Variants in CDS1 observed in about 807,000 individuals in gnomAD.
CDS1 encodes the protein CDP-diacylglycerol synthase 1, also known as phosphatidate cytidylyltransferase 1.
In CDS1, 41 loss-of-function variants were observed where a neutral mutation model predicts 62.1. The ratio of observed to expected loss-of-function variants is 0.66; its 90% CI spans 0.51 to 0.86. CDS1 has a LOEUF of 0.86. Among genes scored for constraint, CDS1 ranks in the 40% least tolerant of loss-of-function variants. CDS1 has a pLI of 0.00. For missense variants in CDS1, 470 were observed against 550.1 expected (o/e 0.85, Z 1.46); for synonymous variants, 185 against 192.6 (o/e 0.96, Z 0.32).
chr4:84,599,371 C>A (rs1722848121), intron 1 of CDS1, among the ~76,000 whole-genome samples: 1 of 132,052 alleles, frequency 7.6e-6, no homozygotes. Flanking sequence ...CATTCCATAG[C>A]AAATATAATT....
intron 5 of CDS1, among the ~76,000 whole-genome samples, chr4:84,623,647 A>C (rs533686513): frequency 1.3e-5 from 2 of 152,316 alleles, no homozygotes; most frequent in South Asian, 4.1e-4. Flanking sequence ...ATGGAATACA[A>C]ACTATCATTT....
intron 5 of CDS1, among the ~76,000 whole-genome samples, chr4:84,620,371 C>T (rs539450082): frequency 1.6e-4 from 24 of 151,148 alleles, no homozygotes; most frequent in Non-Finnish European, 2.8e-4. Flanking sequence ...TACAGGCCCC[C>T]GCCACCACAC....
chr4:84,604,337 TTC>T lies in CDS1; in HGVS notation c.215_216del (p.Leu72GlnfsTer53). 1 of 1,613,210 alleles carries T rather than the reference TTC, an allele frequency of 6.2e-7. No individual in the cohort carries two copies. Among genetic ancestry groups the T allele is most frequent in the Non-Finnish European group, 8.5e-7 (1 of 1,179,376 alleles). On this transcript the variant is annotated frameshift_variant, in exon 2 of 13. Coordinates refer to ENST00000295887, the MANE Select transcript of CDS1 (RefSeq NM_001263.4). LOFTEE classifies it high-confidence loss of function. ...CCATCCTCAGATAGAACCCCTGAGA[TTC>T]TCAAAAAAGCTCTATCTGGTTTATC...
rs1252669162 is a variant in CDS1, at chr4:84,588,519, C to T, written c.117+5001C>T. On this transcript the variant is annotated intron_variant, in intron 1 of 12. Coordinates refer to ENST00000295887, the MANE Select transcript of CDS1 (RefSeq NM_001263.4). ...ACAGGCGGCCAGGGTTTTATTATTA[C>T]TCACATTAACCTCCCTAAAAATTTG... Among the ~76,000 whole-genome samples the T allele has an allele frequency of 2.0e-5, 3 of 152,222 alleles. No homozygotes were observed. The East Asian group carries it at 5.8e-4, about 29-fold the overall frequency.
At chr4:84,638,451 A>G (rs939385506) in intron 8 of CDS1, among the ~76,000 whole-genome samples, 5 of 152,232 alleles carry the variant, frequency 3.3e-5, no homozygotes, top group East Asian at 1.9e-4. Flanking sequence ...TGTGAAAATT[A>G]TATGTGCTAA....
intron 1 of CDS1, among the ~76,000 whole-genome samples, chr4:84,589,821 T>C (rs1722531229): frequency 6.6e-6 from 1 of 152,052 alleles, no homozygotes; most frequent in East Asian, 1.9e-4. Context: ...TTTGTTTTGT[T>C]TTGTTTTGAG....
intron 1 of CDS1, among the ~76,000 whole-genome samples, chr4:84,589,831 G>T (rs1436061083): frequency 6.6e-6 from 1 of 152,096 alleles, no homozygotes; most frequent in Admixed American, 6.5e-5. Flanking sequence ...TTTGTTTTGA[G>T]ACGGAGTCTC....
Position 84,648,802 on chromosome 4 carries a change from A to C in CDS1, c.*116A>C. On this transcript the variant is annotated 3_prime_UTR_variant, in exon 13 of 13. Coordinates refer to ENST00000295887, the MANE Select transcript of CDS1 (RefSeq NM_001263.4). ...AATGCAATAGGTTGAAGTTTTGGAG[A>C]TATGTTTCTCTCTGAAATTACTGTG... 12 of 978,860 alleles carry C rather than the reference A, an allele frequency of 1.2e-5. No homozygotes were observed. The highest frequency in any genetic ancestry group is 1.8e-5 in the Non-Finnish European group (12 of 681,042). 60.6% of individuals were successfully genotyped at this position (978,860 alleles called of 1,614,324 possible). A position where few individuals can be genotyped will look rare whatever the true frequency, so the allele number is the denominator to read the frequency against.
chr4:84,639,017 T>C (rs766945514), intron 9 of CDS1, 25 bp downstream of exon 9: 4 of 1,225,222 alleles, frequency 3.3e-6, no homozygotes, highest in Middle Eastern at 2.1e-4. Context: ...GATTTTTATT[T>C]TGTATACATT....
chr4:84,601,684 G>A (rs1722941212), intron 1 of CDS1, among the ~76,000 whole-genome samples: 3 of 152,088 alleles, frequency 2.0e-5, no homozygotes, highest in Admixed American at 6.6e-5. Flanking sequence ...AGGTCAGGGC[G>A]GGCGGATCAC....
At chr4:84,605,299 T>C (rs1016874047) in intron 2 of CDS1, among the ~76,000 whole-genome samples, 12 of 152,172 alleles carry the variant, frequency 7.9e-5, no homozygotes, top group Non-Finnish European at 1.5e-4. Flanking sequence ...CTCTGATTTC[T>C]TTTGTATTTG....
chr4:84,631,782 A>C (rs763972421), intron 5 of CDS1, 37 bp from the exon 6 acceptor site: 27 of 1,570,852 alleles, frequency 1.7e-5, no homozygotes, highest in Non-Finnish European at 2.3e-5. Context: ...TTTGTACCAA[A>C]TTGTACAACG....
At chr4:84,643,225 T>G (rs1468809074) in intron 11 of CDS1, 82 bp downstream of exon 11, 7 of 1,409,956 alleles carry the variant, frequency 5.0e-6, no homozygotes, top group Middle Eastern at 2.2e-4. Context: ...CCGCTCATGA[T>G]CTACATTAAG....
At chr4:84,612,076 G>A (rs986756668) in intron 3 of CDS1, among the ~76,000 whole-genome samples, 1 of 151,628 alleles carries the variant, frequency 6.6e-6, no homozygotes, top group Non-Finnish European at 1.5e-5. Flanking sequence ...GTATCAGGGT[G>A]GAGGCAGCAC....
intron 1 of CDS1, among the ~76,000 whole-genome samples, chr4:84,600,048 T>C (rs754145679): frequency 2.7e-4 from 41 of 152,358 alleles, no homozygotes; most frequent in South Asian, 6.2e-4. Context: ...AACATTTGGT[T>C]GTTCAATTTT....
intron 1 of CDS1, among the ~76,000 whole-genome samples, chr4:84,589,312 G>A (rs1560462101): frequency 6.6e-6 from 1 of 152,036 alleles, no homozygotes; most frequent in South Asian, 2.1e-4. Context: ...GATACAATCC[G>A]AGATTCAACA....
intron 5 of CDS1, among the ~76,000 whole-genome samples, chr4:84,624,098 C>T (rs1296301407): frequency 6.6e-6 from 1 of 151,556 alleles, no homozygotes; most frequent in Non-Finnish European, 1.5e-5. Flanking sequence ...GGTGGAACCC[C>T]GTCTCTACTA....
In CDS1 at chr4:84,625,903, C is replaced by T. The variant is rs148336630; in HGVS notation, c.581-5916C>T. Among the ~76,000 whole-genome samples, 582 of 152,122 alleles carry T rather than the reference C, an allele frequency of 3.8e-3. 2 individuals are homozygous for T. The highest frequency in any genetic ancestry group is 0.013 in the African/African-American group (537 of 41,486). On this transcript the variant is annotated intron_variant, in intron 5 of 12. Coordinates refer to ENST00000295887, the MANE Select transcript of CDS1 (RefSeq NM_001263.4). ...AGAAAATAGGCCGGGCGCGGTGGCTCATGCCTGTAATCCTAGCACTTTGGG... is the reference window on the plus strand; with the variant it reads ...AGAAAATAGGCCGGGCGCGGTGGCTTATGCCTGTAATCCTAGCACTTTGGG...
chr4:84,602,709 C>A lies in CDS1; in HGVS notation c.118-1534C>A, dbSNP rs918973445. 9.9e-5 allele frequency among the ~76,000 whole-genome samples: 15 copies of A among 152,114 alleles called. No individual in the cohort carries two copies. In the South Asian group the frequency reaches 2.5e-3, roughly 25 times the overall value. On this transcript the variant is annotated intron_variant, in intron 1 of 12. Coordinates refer to ENST00000295887, the MANE Select transcript of CDS1 (RefSeq NM_001263.4). The stretch of plus-strand genomic sequence containing the variant: ...AATGGCAGGGAAAAGAAAAAAAAAA[C>A]TGATGTGTTTCCCTTGTTCTAGATG...
Sources: allele counts gnomAD v4.1 joint callset (sites outside exome capture counted in the v4.1 genomes callset), GRCh38; gene constraint gnomAD v4.1.1; transcripts MANE v1.5; gene names NCBI Gene and HGNC (gene_info 2026-07-23, HGNC 2026-07-21).